CBLN2: variants seen among roughly 807,000 people sequenced by gnomAD.
The protein encoded by CBLN2 is cerebellin 2 precursor.
Under a neutral mutation model 15.0 loss-of-function variants are expected in CBLN2, and 7 were observed. The observed-to-expected ratio is 0.47, with a 90% CI of 0.27 to 0.88. The LOEUF is 0.88. Among genes scored for constraint, CBLN2 ranks in the 40% least tolerant of loss-of-function variants. The probability of loss-of-function intolerance (pLI) is 0.14; values close to 1 mark genes in which losing one functional copy is unlikely to be tolerated. For missense variants in CBLN2, 242 were observed against 304.5 expected (o/e 0.79, Z 1.53); for synonymous variants, 149 against 135.2 (o/e 1.10, Z -0.71).
chr18:72,625,101 G>A (rs150453273), intron 1 of CBLN2: 1 of 152,088 alleles, frequency 6.6e-6, no homozygotes, highest in Non-Finnish European at 1.5e-5. Flanking sequence ...ACCACCCTTT[G>A]TTAAGGATAT....
At chr18:72,564,349 T>A (rs568776985) in intron 1 of CBLN2, among the ~76,000 whole-genome samples, 13 of 152,208 alleles carry the variant, frequency 8.5e-5, no homozygotes, top group Middle Eastern at 3.4e-3. Flanking sequence ...AACAAAGGGA[T>A]ATCATAAAAA....
intron 1 of CBLN2, among the ~76,000 whole-genome samples, chr18:72,600,164 C>T (rs1400449020): frequency 6.6e-6 from 1 of 152,164 alleles, no homozygotes; most frequent in East Asian, 1.9e-4. Flanking sequence ...GTTGATCTTC[C>T]TATTGCTACA....
At chr18:72,582,851 T>A (rs1422118661) in intron 1 of CBLN2, among the ~76,000 whole-genome samples, 1 of 152,180 alleles carries the variant, frequency 6.6e-6, no homozygotes, top group Admixed American at 6.5e-5. Context: ...TACCATGATC[T>A]TACTTGGAAT....
intron 1 of CBLN2, among the ~76,000 whole-genome samples, chr18:72,583,623 A>G (rs768321748): frequency 2.0e-5 from 3 of 152,220 alleles, no homozygotes; most frequent in African/African-American, 4.8e-5. Flanking sequence ...CTTTTTAAAA[A>G]TATATATACC....
At chr18:72,574,014 T>C (rs2069348533) in intron 1 of CBLN2, among the ~76,000 whole-genome samples, 1 of 152,212 alleles carries the variant, frequency 6.6e-6, no homozygotes, top group South Asian at 2.1e-4. Flanking sequence ...GCTGTTTTAA[T>C]ATGTAATTCC....
intron 1 of CBLN2, among the ~76,000 whole-genome samples, chr18:72,632,476 C>T (rs59118548): frequency 6.6e-6 from 1 of 152,158 alleles, no homozygotes; most frequent in Admixed American, 6.6e-5. Context: ...TTATAAATAA[C>T]TTAATCATCT....
chr18:72,585,117 C>T (rs1599010912), intron 1 of CBLN2, among the ~76,000 whole-genome samples: 1 of 152,124 alleles, frequency 6.6e-6, no homozygotes, highest in South Asian at 2.1e-4. Context: ...CCACAGAGCC[C>T]CAAAAAGGGT....
intron 1 of CBLN2, among the ~76,000 whole-genome samples, chr18:72,623,703 C>T (rs2069715920): frequency 6.6e-6 from 1 of 152,114 alleles, no homozygotes; most frequent in African/African-American, 2.4e-5. Flanking sequence ...ATGCTCAGGA[C>T]ATGCATGCCC....
intron 1 of CBLN2, among the ~76,000 whole-genome samples, chr18:72,624,207 T>G (rs970740762): frequency 2.6e-5 from 4 of 152,070 alleles, no homozygotes; most frequent in African/African-American, 9.7e-5. Flanking sequence ...CTTCTTTTTT[T>G]TTTTTTAATT....
intron 1 of CBLN2, among the ~76,000 whole-genome samples, chr18:72,569,185 T>C (rs1441774789): frequency 6.6e-6 from 1 of 152,182 alleles, no homozygotes; most frequent in Non-Finnish European, 1.5e-5. Context: ...AGTGATACCA[T>C]TGACATTTTA....
intron 1 of CBLN2, among the ~76,000 whole-genome samples, chr18:72,571,278 T>A (rs8097938): frequency 6.6e-6 from 1 of 152,108 alleles, no homozygotes; most frequent in African/African-American, 2.4e-5. Context: ...ATAAAATGAT[T>A]AAAAATTAGT....
chr18:72,616,384 G>A (rs1599024854), intron 1 of CBLN2, among the ~76,000 whole-genome samples: 1 of 152,098 alleles, frequency 6.6e-6, no homozygotes, highest in African/African-American at 2.4e-5. Context: ...GGGTGCCATG[G>A]CTTGGGTCAT....
intron 1 of CBLN2, among the ~76,000 whole-genome samples, chr18:72,623,957 G>A (rs1173356090): frequency 6.6e-6 from 1 of 151,942 alleles, no homozygotes; most frequent in Non-Finnish European, 1.5e-5. Context: ...TTGCTCTCTG[G>A]GAGCTAAAGT....
chr18:72,567,012 G>A (rs1409340670), intron 1 of CBLN2, among the ~76,000 whole-genome samples: 1 of 152,010 alleles, frequency 6.6e-6, no homozygotes, highest in Non-Finnish European at 1.5e-5. Context: ...TTGTAGAGAT[G>A]GAGTTTCGCC....
intron 1 of CBLN2, among the ~76,000 whole-genome samples, chr18:72,556,897 G>A (rs1285891024): frequency 6.6e-6 from 1 of 151,994 alleles, no homozygotes; most frequent in Non-Finnish European, 1.5e-5. Flanking sequence ...AATAGCTAAG[G>A]ATCTGAGAAA....
intron 1 of CBLN2, among the ~76,000 whole-genome samples, chr18:72,580,573 T>C (rs2069396184): frequency 6.6e-6 from 1 of 152,190 alleles, no homozygotes; most frequent in South Asian, 2.1e-4. Flanking sequence ...TTTCATAGAA[T>C]TGGAATCACA....
intron 3 of CBLN2, among the ~76,000 whole-genome samples, chr18:72,541,056 G>A (rs1384056835): frequency 1.3e-5 from 2 of 152,310 alleles, no homozygotes; most frequent in East Asian, 3.9e-4. Context: ...GGTTTAGAAA[G>A]GCCTGATCAT....
intron 1 of CBLN2, among the ~76,000 whole-genome samples, chr18:72,595,293 C>T (rs1056612691): frequency 7.2e-5 from 11 of 151,912 alleles, no homozygotes; most frequent in African/African-American, 2.4e-4. Flanking sequence ...GACAACTGGT[C>T]ATTCAGGAGC....
At chr18:72,554,502 C>T (rs537030806) in intron 1 of CBLN2, among the ~76,000 whole-genome samples, 9 of 152,022 alleles carry the variant, frequency 5.9e-5, no homozygotes, top group East Asian at 3.9e-4. Flanking sequence ...GTATACATTA[C>T]GTTAATTAGC....
Sources: allele counts gnomAD v4.1 joint callset (sites outside exome capture counted in the v4.1 genomes callset), GRCh38; gene constraint gnomAD v4.1.1; transcripts MANE v1.5; gene names NCBI Gene and HGNC (gene_info 2026-07-23, HGNC 2026-07-21).